The following EHBP1 variants were observed in gnomAD, a reference collection of about 807,000 sequenced individuals.
The protein encoded by EHBP1 is EH domain-binding protein 1.
Under a neutral mutation model 144.0 loss-of-function variants are expected in EHBP1, and 55 were observed. The ratio of observed to expected loss-of-function variants is 0.38; its 90% confidence interval spans 0.31 to 0.48. EHBP1 has a LOEUF of 0.48. Among genes scored for constraint, EHBP1 ranks in the 20% least tolerant of loss-of-function variants. EHBP1 has a pLI of 0.98. For missense variants in EHBP1, 1,200 were observed against 1,364.2 expected, an observed-to-expected ratio of 0.88 and a Z score of 1.90; for synonymous variants, 469 against 472.7, an observed-to-expected ratio of 0.99 and a Z score of 0.10.
intron 7 of EHBP1, among the ~76,000 whole-genome samples, chr2:62,832,221 A>C (rs148440204): frequency 1.3e-5 from 2 of 152,288 alleles, no homozygotes; most frequent in African/African-American, 2.4e-5. Context: ...CATTCAAATA[A>C]AATTCAAAAG....
intron 10 of EHBP1, among the ~76,000 whole-genome samples, chr2:62,941,328 T>G (rs943906336): frequency 5.9e-5 from 9 of 152,118 alleles, no homozygotes; most frequent in African/African-American, 1.4e-4. Context: ...GTAAATGTAG[T>G]ATATTGGGAT....
chr2:63,000,166 G>C (rs2059791357), intron 19 of EHBP1, among the ~76,000 whole-genome samples: 1 of 152,110 alleles, frequency 6.6e-6, no homozygotes, highest in Non-Finnish European at 1.5e-5. Context: ...GTTGGCAGAA[G>C]GCCTTAGCAA....
At chr2:62,990,378 A>G (rs1574382846) in intron 15 of EHBP1, among the ~76,000 whole-genome samples, 2 of 152,172 alleles carry the variant, frequency 1.3e-5, no homozygotes. Flanking sequence ...TTAAATATCT[A>G]GTTTGTTATA....
intron 19 of EHBP1, among the ~76,000 whole-genome samples, chr2:63,035,065 T>C (rs1478924487): frequency 1.3e-5 from 2 of 152,014 alleles, no homozygotes; most frequent in African/African-American, 4.8e-5. Context: ...GCTAAAGGGG[T>C]CTTTAACCAG....
chr2:62,682,939 T>A (rs554246344), intron 1 of EHBP1, among the ~76,000 whole-genome samples: 75 of 152,154 alleles, frequency 4.9e-4, no homozygotes, highest in South Asian at 2.1e-3. Context: ...CAAATTAAAA[T>A]AACTATTATA....
At chr2:62,999,024 C>CT (rs926662738) in intron 19 of EHBP1, among the ~76,000 whole-genome samples, 2 of 151,896 alleles carry the variant, frequency 1.3e-5, no homozygotes, top group African/African-American at 4.8e-5. Flanking sequence ...ATTATAATAC[C>CT]TTTTTTTGGT....
intron 15 of EHBP1, among the ~76,000 whole-genome samples, chr2:62,987,396 G>T (rs544219683): frequency 6.6e-6 from 1 of 151,990 alleles, no homozygotes; most frequent in Admixed American, 6.6e-5. Context: ...TAAAGGCATT[G>T]TATATGCTAG....
At chr2:62,692,566 C>G (rs1357587771) in intron 1 of EHBP1, among the ~76,000 whole-genome samples, 12 of 152,138 alleles carry the variant, frequency 7.9e-5, no homozygotes. Context: ...GATCTTAAAC[C>G]ATTTTAATTG....
chr2:62,715,056 C>T (rs2035530125), intron 2 of EHBP1, among the ~76,000 whole-genome samples: 1 of 152,126 alleles, frequency 6.6e-6, no homozygotes, highest in African/African-American at 2.4e-5. Flanking sequence ...TTTGTGTATG[C>T]ATGTCTGTGT....
chr2:62,785,103 C>T (rs2042711895), intron 5 of EHBP1, among the ~76,000 whole-genome samples: 1 of 151,856 alleles, frequency 6.6e-6, no homozygotes, highest in South Asian at 2.1e-4. Context: ...TACCTGTGAA[C>T]AACTGAAACA....
rs75979483 is a variant in EHBP1 at position 62,816,379 on chromosome 2, G to A, written c.313-9708G>A. Among the ~76,000 whole-genome samples the A allele has an allele frequency of 7.2e-4, 110 of 152,236 alleles. 1 individual carries two copies. The highest frequency in any genetic ancestry group is 7.1e-3 in the East Asian group (37 of 5,178). ...CTTGTTATTTTTAAATGAATGAAAT[G>A]TTTTCTAGATTGTTAGCTTTTAATA... On this transcript the variant is annotated intron_variant, in intron 5 of 22. Transcript: ENST00000431489.
intron 19 of EHBP1, among the ~76,000 whole-genome samples, chr2:63,034,872 C>T (rs1450458917): frequency 6.6e-6 from 1 of 152,010 alleles, no homozygotes; most frequent in Non-Finnish European, 1.5e-5. Flanking sequence ...AAACATCCAG[C>T]ATTCATTTGA....
intron 2 of EHBP1, among the ~76,000 whole-genome samples, chr2:62,720,731 C>G (rs1399306784): frequency 3.3e-5 from 5 of 152,092 alleles, no homozygotes; most frequent in Non-Finnish European, 7.4e-5. Context: ...TAGTACAGAG[C>G]AGGGGTGTCC....
chr2:62,854,573 A>C (rs2048898622), intron 7 of EHBP1, among the ~76,000 whole-genome samples: 1 of 152,116 alleles, frequency 6.6e-6, no homozygotes, highest in Admixed American at 6.6e-5. Flanking sequence ...AGGTCTGGGG[A>C]GTGGTAGATG....
intron 2 of EHBP1, among the ~76,000 whole-genome samples, chr2:62,710,227 G>A (rs1306566397): frequency 6.6e-6 from 1 of 152,000 alleles, no homozygotes; most frequent in African/African-American, 2.4e-5. Context: ...TATGAAAGTT[G>A]GCAAGTTGGG....
At chr2:63,038,671 A>T in intron 20 of EHBP1, 72 bp from the exon 21 acceptor site, 1 of 1,394,232 alleles carries the variant, frequency 7.2e-7, no homozygotes, top group Non-Finnish European at 1.0e-6. Flanking sequence ...AAATCAATGT[A>T]ACCTAAAGGT....
chr2:62,782,458 T>C (rs1419985423), intron 5 of EHBP1, among the ~76,000 whole-genome samples: 1 of 152,206 alleles, frequency 6.6e-6, no homozygotes, highest in Non-Finnish European at 1.5e-5. Context: ...TGTATTGGTT[T>C]GTTCTCACAC....
intron 2 of EHBP1, among the ~76,000 whole-genome samples, chr2:62,721,462 A>G (rs561126048): frequency 5.3e-5 from 8 of 152,326 alleles, no homozygotes; most frequent in Admixed American, 2.0e-4. Context: ...TTCTAAATCT[A>G]ATTTCTCAGG....
chr2:62,753,139 C>T lies in EHBP1; in HGVS notation c.162+5687C>T, dbSNP rs1395263807. Among the ~76,000 whole-genome samples the T allele has an allele frequency of 2.6e-5, 4 of 152,164 alleles. No homozygotes were observed. In the South Asian group the frequency reaches 6.2e-4, roughly 24 times the overall value. ...TGGCATGTTTTTACAGTGGCTGGTA[C>T]TGGTTGTTCCTTTGTATGTTTAGTG... is the stretch of plus-strand genomic sequence containing the variant. On this transcript the variant is annotated intron_variant, in intron 3 of 22. Transcript: ENST00000431489.
Sources: gnomAD v4.1 joint callset for allele counts (sites outside exome capture counted in the v4.1 genomes callset) on GRCh38, gnomAD v4.1.1 for gene constraint, MANE v1.5 for transcripts, NCBI Gene and HGNC (gene_info 2026-07-23, HGNC 2026-07-21) for gene names.